PTPN22: variants seen among roughly 807,000 people sequenced by gnomAD.
The protein encoded by PTPN22 is protein tyrosine phosphatase non-receptor type 22, also known as tyrosine-protein phosphatase non-receptor type 22.
A neutral mutation model predicts 103.3 loss-of-function variants in PTPN22; 85 were observed. The observed-to-expected ratio is 0.82, with a 90% CI of 0.69 to 0.99. PTPN22 has a LOEUF of 0.99. Ranked by LOEUF, PTPN22 falls within the 50% of genes least tolerant of loss-of-function variation. PTPN22 has a pLI of 0.00. For missense variants in PTPN22, 865 were observed against 936.9 expected (o/e 0.92, Z 1.00); for synonymous variants, 323 against 310.2 (o/e 1.04, Z -0.43).
chr1:113,845,101 G>C (rs571206083), intron 11 of PTPN22, among the ~76,000 whole-genome samples: 2 of 152,262 alleles, frequency 1.3e-5, no homozygotes, highest in South Asian at 2.1e-4. Context: ...TTACAGGCAA[G>C]AGCCACCATG....
At chr1:113,853,098 C>T (rs1228597475) in intron 9 of PTPN22, among the ~76,000 whole-genome samples, 1 of 151,862 alleles carries the variant, frequency 6.6e-6, no homozygotes, top group Non-Finnish European at 1.5e-5. Context: ...GCCACCAGGC[C>T]CGGCTAATTT....
intron 19 of PTPN22, among the ~76,000 whole-genome samples, 176 bp downstream of exon 19, chr1:113,824,966 C>CAAAAAAAAA (rs35424386): frequency 1.5e-5 from 1 of 65,152 alleles, no homozygotes. Context: ...TGAAGCCTAG[C>CAAAAAAAAA]AAAAAAAAAA....
chr1:113,831,430 A>T (rs1189790994), intron 16 of PTPN22, among the ~76,000 whole-genome samples: 1 of 151,978 alleles, frequency 6.6e-6, no homozygotes, highest in Non-Finnish European at 1.5e-5. Context: ...GCAATCACTA[A>T]TCTGCTTCTA....
intron 1 of PTPN22, among the ~76,000 whole-genome samples, chr1:113,863,918 T>C (rs1471381783): frequency 6.0e-5 from 6 of 100,102 alleles, no homozygotes; most frequent in African/African-American, 3.4e-4. Flanking sequence ...TATATATATA[T>C]ATATATATAT....
At chr1:113,861,988 T>C (rs1665652950) in intron 1 of PTPN22, among the ~76,000 whole-genome samples, 1 of 151,758 alleles carries the variant, frequency 6.6e-6, no homozygotes, top group Non-Finnish European at 1.5e-5. Context: ...GCCAAGAGGA[T>C]AAAGTGAAGA....
At chr1:113,829,686 T>C (rs1265902076) in exon 18 of PTPN22, 2 of 1,599,000 alleles carry the variant, frequency 1.3e-6, no homozygotes, top group East Asian at 4.5e-5. Flanking sequence ...AGAATATGTT[T>C]CTATAGATTG....
chr1:113,861,509 G>T (rs1425567937), intron 1 of PTPN22, among the ~76,000 whole-genome samples: 1 of 152,010 alleles, frequency 6.6e-6, no homozygotes, highest in Non-Finnish European at 1.5e-5. Flanking sequence ...CGAAGTGGTG[G>T]GATTACAGTC....
chr1:113,831,617 C>T (rs954136971), intron 16 of PTPN22, among the ~76,000 whole-genome samples: 1 of 152,118 alleles, frequency 6.6e-6, no homozygotes, highest in African/African-American at 2.4e-5. Context: ...ATGCTCATTT[C>T]TACCTTTGAG....
At chr1:113,845,125 A>C (rs190724426) in intron 11 of PTPN22, among the ~76,000 whole-genome samples, 112 of 152,012 alleles carry the variant, frequency 7.4e-4, no homozygotes, top group African/African-American at 2.5e-3. Context: ...GGTCTCTGTT[A>C]CTGATTTCTA....
chr1:113,821,462 C>T (rs899567075), intron 19 of PTPN22, among the ~76,000 whole-genome samples: 1 of 152,138 alleles, frequency 6.6e-6, no homozygotes, highest in African/African-American at 2.4e-5. Context: ...CCTGGGACTA[C>T]AGGTGCATGC....
At position 113,859,448 on chromosome 1, in the gene PTPN22, G is replaced by A. The variant is rs767047263; in HGVS notation, c.100C>T (p.Gln34Ter). Residue 34 changes from glutamine (Q) to a stop codon, truncating the protein, a stop_gained, in exon 2 of 21, where the codon CAA (glutamine) becomes TAA (stop). Transcript: ENST00000359785. LOFTEE classifies it high-confidence loss of function. ...TTGTCTGCCTTGTACTTGGTAGATTGCCTTTTCAGCTTCTGTAATAAGATT... is the reference window on the plus strand; with the variant it reads ...TTGTCTGCCTTGTACTTGGTAGATTACCTTTTCAGCTTCTGTAATAAGATT... 3.7e-6 allele frequency: 6 copies of A among 1,611,958 alleles called. No homozygotes were observed. In the Admixed American group the frequency reaches 8.3e-5, roughly 22 times the overall value.
chr1:113,826,459 G>A lies in PTPN22; in HGVS notation c.2251-1287C>T, dbSNP rs193238946. ...GGAAGGGAAGGGACTCAGAGGGGTA[G>A]AGGGGATGAAATTCCCACTTCCCTC... is the stretch of plus-strand genomic sequence containing the variant. On this transcript the variant is annotated intron_variant, in intron 18 of 20. Coordinates refer to ENST00000359785, the Ensembl canonical transcript of PTPN22. 6.0e-5 allele frequency among the ~76,000 whole-genome samples: 9 copies of A among 151,198 alleles called. No individual in the cohort carries two copies. In the East Asian group the frequency reaches 1.5e-3, roughly 26 times the overall value.
exon 13 of PTPN22, chr1:113,837,839 T>G: frequency 6.2e-7 from 1 of 1,613,618 alleles, no homozygotes; most frequent in Non-Finnish European, 8.5e-7. Flanking sequence ...CCAAGAGCAC[T>G]AGAGTCATGG....
intron 11 of PTPN22, among the ~76,000 whole-genome samples, chr1:113,843,128 A>G (rs1663746114): frequency 6.7e-6 from 1 of 150,202 alleles, no homozygotes; most frequent in South Asian, 2.1e-4. Context: ...AACTAAACAT[A>G]GAATTACCAC....
chr1:113,859,237 A>G, intron 2 of PTPN22, 115 bp downstream of exon 2: 2 of 1,543,484 alleles, frequency 1.3e-6, no homozygotes, highest in Non-Finnish European at 1.8e-6. Context: ...AATAGTACAA[A>G]CTAAGTTGTC....
At chr1:113,828,844 C>T (rs1443610519) in intron 18 of PTPN22, among the ~76,000 whole-genome samples, 4 of 152,022 alleles carry the variant, frequency 2.6e-5, no homozygotes, top group African/African-American at 9.7e-5. Flanking sequence ...GCCATGTTGC[C>T]CAGGCTGGTC....
chr1:113,817,068 T>C (rs1188028544), intron 20 of PTPN22, among the ~76,000 whole-genome samples: 1 of 152,202 alleles, frequency 6.6e-6, no homozygotes, highest in Non-Finnish European at 1.5e-5. Flanking sequence ...ACAGCCTAGT[T>C]GATGTACATT....
chr1:113,861,292 G>A (rs1665569590), intron 1 of PTPN22, among the ~76,000 whole-genome samples: 1 of 152,124 alleles, frequency 6.6e-6, no homozygotes, highest in African/African-American at 2.4e-5. Flanking sequence ...CCAGGCTGGA[G>A]TGCAGTGGCA....
intron 5 of PTPN22, 68 bp from the exon 6 acceptor site, chr1:113,856,687 G>C (rs898646656): frequency 1.1e-4 from 174 of 1,606,038 alleles, no homozygotes; most frequent in Non-Finnish European, 1.4e-4. Context: ...CTCTCATTTG[G>C]AAGCAAATTC....
Sources: gnomAD v4.1 joint callset for allele counts (sites outside exome capture counted in the v4.1 genomes callset) on GRCh38, gnomAD v4.1.1 for gene constraint, MANE v1.5 for transcripts, NCBI Gene and HGNC (gene_info 2026-07-23, HGNC 2026-07-21) for gene names.